ARHGAP29: variants seen among roughly 807,000 people sequenced by gnomAD.
ARHGAP29 encodes the protein Rho GTPase activating protein 29.
In ARHGAP29, 43 loss-of-function variants were observed where a neutral mutation model predicts 122.6. That is an observed-to-expected ratio of 0.35 (90% confidence interval 0.27 to 0.45). ARHGAP29 has a LOEUF of 0.45. ARHGAP29 is among the 20% of genes least tolerant of loss of function. ARHGAP29 has a pLI of 1.00. For synonymous variants in ARHGAP29, 506 were observed against 497.1 expected (o/e 1.02, Z -0.24); for missense variants, 1,303 against 1,477.2 (o/e 0.88, Z 1.93).
chr1:94,174,827 C>A, intron 22 of ARHGAP29, 78 bp from the exon 23 acceptor site: 1 of 1,436,932 alleles, frequency 7.0e-7, no homozygotes, highest in Non-Finnish European at 9.4e-7. Flanking sequence ...GATGAACACT[C>A]TATCAAGACA....
intron 7 of ARHGAP29, 150 bp from the exon 8 acceptor site, chr1:94,204,144 CT>C (rs371499898): frequency 0.16 from 59,976 of 375,930 alleles, 20 homozygotes; most frequent in South Asian, 0.2. Context: ...TTCTTTCTTC[CT>C]TTTTTTTTTT....
Position 94,172,010 on chromosome 1 carries a change from A to G in ARHGAP29, c.*1859T>C, listed in dbSNP as rs1416703847. On this transcript the variant is annotated 3_prime_UTR_variant, in exon 23 of 23. Transcript: ENST00000260526. ...AAATGGTAAATGTTATGTGTATTTT[A>G]CCACAATAAAAATTTTTTAAAGTTG... The G allele has an allele frequency of 6.6e-6, 1 of 152,006 alleles. No individual in the cohort carries two copies. The highest frequency in any genetic ancestry group is 1.5e-5 in the Non-Finnish European group (1 of 67,972). The allele number at this position is 152,006 out of a possible 1,614,324, so 9.4% of individuals were successfully genotyped here. A position where few individuals can be genotyped will look rare whatever the true frequency, so the allele number is the denominator to read the frequency against.
chr1:94,211,781 T>C (rs1651636282), intron 3 of ARHGAP29, among the ~76,000 whole-genome samples: 1 of 152,158 alleles, frequency 6.6e-6, no homozygotes, highest in Admixed American at 6.5e-5. Context: ...ATACTTTAAG[T>C]TTTAGGGTGC....
At chr1:94,203,659 C>T (rs1449450432) in intron 8 of ARHGAP29, among the ~76,000 whole-genome samples, 4 of 151,826 alleles carry the variant, frequency 2.6e-5, no homozygotes, top group Non-Finnish European at 4.4e-5. Context: ...GCTTGAGCCT[C>T]GGGGGACAGA....
rs1281930863 is a variant in ARHGAP29, at chr1:94,269,612, GAC to G, written c.-33+5398_-33+5399del. Among the ~76,000 whole-genome samples, 21 of 152,150 alleles carry G rather than the reference GAC, an allele frequency of 1.4e-4. No homozygotes were observed. The East Asian group carries it at 4.1e-3, about 29-fold the overall frequency. ...TTAATAACAATGATGGTAAGGAAAA[GAC>G]AGTTTACAGAATAAGAAATTCAATC... On this transcript the variant is annotated intron_variant and NMD_transcript_variant, in intron 1 of 25. Transcript: ENST00000552844.
At chr1:94,284,557 A>G in the ARHGAP29 span, among the ~76,000 whole-genome samples, 1 of 152,188 alleles carries the variant, frequency 6.6e-6, no homozygotes, top group African/African-American at 2.4e-5. Flanking sequence ...AAGTTTTAAG[A>G]GCCAATGCAT....
chr1:94,277,049 A>G (rs1251502035), upstream of ARHGAP29, among the ~76,000 whole-genome samples: 1 of 152,158 alleles, frequency 6.6e-6, no homozygotes, highest in Non-Finnish European at 1.5e-5. Flanking sequence ...GCCTTTATGA[A>G]TACTGCAAAG....
intron 1 of ARHGAP29, chr1:94,247,748 C>T (rs1653875679): frequency 3.2e-6 from 2 of 630,028 alleles, no homozygotes; most frequent in Non-Finnish European, 4.0e-6. Context: ...TTTGCAGCTA[C>T]CGCCACGGCT....
intron 2 of ARHGAP29, among the ~76,000 whole-genome samples, chr1:94,221,427 T>G (rs1346713727): frequency 6.6e-6 from 1 of 151,968 alleles, no homozygotes; most frequent in Non-Finnish European, 1.5e-5. Context: ...CAAAAGGATA[T>G]TATTTCATTC....
intron 1 of ARHGAP29, 108 bp downstream of exon 1, chr1:94,237,307 G>T (rs1295879390): frequency 1.4e-5 from 11 of 784,336 alleles, no homozygotes; most frequent in Non-Finnish European, 1.5e-5. Context: ...GGGCCGCCCC[G>T]CGGGCCTCCC....
At chr1:94,266,693 T>C (rs1469280131) in intron 1 of ARHGAP29, among the ~76,000 whole-genome samples, 1 of 152,184 alleles carries the variant, frequency 6.6e-6, no homozygotes, top group Non-Finnish European at 1.5e-5. Context: ...TACCTGTTAA[T>C]CCATCCTTAT....
the ARHGAP29 span, among the ~76,000 whole-genome samples, chr1:94,304,841 T>C: frequency 1.3e-5 from 2 of 152,230 alleles, no homozygotes; most frequent in Non-Finnish European, 2.9e-5. Flanking sequence ...CTTGTACTTT[T>C]AGGTCAGTTC....
At chr1:94,301,383 C>T in the ARHGAP29 span, among the ~76,000 whole-genome samples, 14 of 152,244 alleles carry the variant, frequency 9.2e-5, no homozygotes, top group African/African-American at 2.9e-4. Flanking sequence ...CTAGATCCAG[C>T]GGCTCAGATA....
chr1:94,240,579 A>G (rs146424911), upstream of ARHGAP29, among the ~76,000 whole-genome samples: 40 of 152,370 alleles, frequency 2.6e-4, no homozygotes, highest in African/African-American at 8.4e-4. Flanking sequence ...CAGTATATCT[A>G]CCATAGCAGT....
chr1:94,306,038 C>T, the ARHGAP29 span, among the ~76,000 whole-genome samples: 1 of 152,186 alleles, frequency 6.6e-6, no homozygotes, highest in Non-Finnish European at 1.5e-5. Flanking sequence ...ATATGGAGAA[C>T]GTTCTGAGGC....
At position 94,211,326 on chromosome 1, in the gene ARHGAP29, T is replaced by C. The variant is rs549462062; in HGVS notation, c.341-1976A>G. On this transcript the variant is annotated intron_variant, in intron 3 of 22. Coordinates refer to ENST00000260526, the MANE Select transcript of ARHGAP29 (RefSeq NM_004815.4). ...AAAAAAAAAAAAAGGACATAACAAT[T>C]CCATATATTTATGTACCTAATAAAC... Among the ~76,000 whole-genome samples the C allele has an allele frequency of 6.6e-4, 81 of 123,084 alleles. No individual in the cohort carries two copies. In the Middle Eastern group the frequency reaches 0.021, roughly 32 times the overall value. 80.7% of individuals were successfully genotyped at this position (123,084 alleles called of 152,430 possible).
chr1:94,295,541 G>A, the ARHGAP29 span, among the ~76,000 whole-genome samples: 12 of 152,142 alleles, frequency 7.9e-5, no homozygotes, highest in Non-Finnish European at 1.3e-4. Context: ...GATCTAGGAT[G>A]TAATTTAGAG....
chr1:94,204,131 T>A, intron 7 of ARHGAP29, 137 bp from the exon 8 acceptor site: 1 of 502,706 alleles, frequency 2.0e-6, no homozygotes, highest in Non-Finnish European at 3.3e-6. Flanking sequence ...AATACAGCAA[T>A]ACTTCTTTCT....
At chr1:94,254,420 A>G (rs1334826526) in intron 1 of ARHGAP29, among the ~76,000 whole-genome samples, 1 of 152,232 alleles carries the variant, frequency 6.6e-6, no homozygotes. Context: ...TGGAGAACAG[A>G]TAGAATGGCA....
Sources: gnomAD v4.1 joint callset for allele counts (sites outside exome capture counted in the v4.1 genomes callset) on GRCh38, gnomAD v4.1.1 for gene constraint, MANE v1.5 for transcripts, NCBI Gene and HGNC (gene_info 2026-07-23, HGNC 2026-07-21) for gene names.